Variants in ABCC1 observed in about 807,000 individuals in gnomAD.
The protein encoded by ABCC1 is ATP binding cassette subfamily C member 1 (ABCC1 blood group), also known as multidrug resistance-associated protein 1.
Under a neutral mutation model 172.9 loss-of-function variants are expected in ABCC1, and 83 were observed. The ratio of observed to expected loss-of-function variants is 0.48; its 90% CI spans 0.40 to 0.58. The LOEUF (loss-of-function observed/expected upper bound fraction) is 0.58, where lower values mean the gene tolerates loss of function less well. Ranked by LOEUF, ABCC1 falls within the 20% of genes least tolerant of loss-of-function variation. The pLI, the probability that ABCC1 is intolerant of heterozygous loss-of-function variation, is 0.00. For missense variants in ABCC1, 1,817 were observed against 2,002.7 expected (o/e 0.91, Z 1.77); for synonymous variants, 937 against 825.2 (o/e 1.14, Z -2.32).
At chr16:16,138,067 G>A (rs1452962664) in intron 29 of ABCC1, among the ~76,000 whole-genome samples, 1 of 151,754 alleles carries the variant, frequency 6.6e-6, no homozygotes, top group East Asian at 1.9e-4. Context: ...TTTTTGCCCA[G>A]GCTGGTCTCA....
At position 16,016,616 on chromosome 16, in the gene ABCC1, G is replaced by C; in HGVS notation, c.610G>C (p.Asp204His). Residue 204 changes from aspartate to histidine, a missense_variant, in exon 5 of 31, where the codon GAC becomes CAC. Physicochemically the swap from Asp to His is moderately conservative, Grantham distance 81. Around this residue, in one of 3 missense-constraint regions of ABCC1, gnomAD observed 398 missense variants for 384.2 expected, o/e 1.04. Coordinates refer to ENST00000399410, the MANE Select transcript of ABCC1 (RefSeq NM_004996.4). ...RSPLFSETIH[D>H]PNPCPESSAS... The stretch of plus-strand genomic sequence containing the variant: ...ACCCCTGTTCTCGGAAACCATCCAC[G>C]ACCCTGTAAGTGTGACCACAGATGA... 4 of 1,614,096 alleles carry C rather than the reference G, an allele frequency of 2.5e-6. No individual in the cohort carries two copies. The highest frequency in any genetic ancestry group is 3.4e-6 in the Non-Finnish European group (4 of 1,180,022).
chr16:16,128,673 A>G (rs2045547179), intron 26 of ABCC1, among the ~76,000 whole-genome samples: 1 of 152,222 alleles, frequency 6.6e-6, no homozygotes, highest in African/African-American at 2.4e-5. Context: ...AAATTATAAA[A>G]TAGAGATACA....
chr16:16,137,545 C>CTT (rs151237296), intron 29 of ABCC1, among the ~76,000 whole-genome samples: 1,599 of 56,718 alleles, frequency 0.028, 331 homozygotes, highest in South Asian at 0.054. Flanking sequence ...GGTATGAGGC[C>CTT]TTTTTTTTTT....
chr16:16,136,698 G>T, intron 29 of ABCC1, 54 bp downstream of exon 29: 1 of 1,577,290 alleles, frequency 6.3e-7, no homozygotes, highest in Non-Finnish European at 8.6e-7. Context: ...GCGCCATCTC[G>T]GTAGGGGTGT....
At chr16:15,965,618 G>A (rs988708512) in intron 1 of ABCC1, among the ~76,000 whole-genome samples, 1 of 151,466 alleles carries the variant, frequency 6.6e-6, no homozygotes, top group East Asian at 1.9e-4. Context: ...ACTTTTTTGA[G>A]ACAGCATCTT....
intron 5 of ABCC1, among the ~76,000 whole-genome samples, chr16:16,031,143 C>A (rs542393291): frequency 3.3e-5 from 5 of 152,302 alleles, no homozygotes; most frequent in African/African-American, 9.6e-5. Context: ...GCCACCACAC[C>A]CAGCCAGGAT....
At chr16:15,954,985 C>T (rs1482837393) in intron 1 of ABCC1, among the ~76,000 whole-genome samples, 1 of 152,174 alleles carries the variant, frequency 6.6e-6, no homozygotes, top group East Asian at 1.9e-4. Flanking sequence ...TGCCCGTTGC[C>T]TCAAACGGGC....
intron 21 of ABCC1, among the ~76,000 whole-genome samples, chr16:16,107,814 GTTTT>G (rs983433060): frequency 6.6e-6 from 1 of 150,990 alleles, no homozygotes; most frequent in East Asian, 1.9e-4. Flanking sequence ...AATAAATGTG[GTTTT>G]TTTTGTTTTT....
At chr16:15,974,679 GT>G (rs1236528785) in intron 1 of ABCC1, among the ~76,000 whole-genome samples, 1 of 152,154 alleles carries the variant, frequency 6.6e-6, no homozygotes, top group East Asian at 1.9e-4. Context: ...AGCCAGCAGT[GT>G]TTACAGGATG....
intron 1 of ABCC1, among the ~76,000 whole-genome samples, chr16:16,005,069 C>CTTTT (rs36027088): frequency 3.7e-5 from 5 of 134,480 alleles, no homozygotes; most frequent in Admixed American, 7.8e-5. Context: ...TCATTTTTAA[C>CTTTT]TTTTTTTTTT....
chr16:16,056,053 G>C (rs770564365), intron 11 of ABCC1, 39 bp from the exon 12 acceptor site: 3 of 1,587,980 alleles, frequency 1.9e-6, no homozygotes, highest in Non-Finnish European at 1.7e-6. Flanking sequence ...GCTGATCCCA[G>C]GGTCGCCCCA....
At chr16:15,968,788 T>A (rs2046303495) in intron 1 of ABCC1, among the ~76,000 whole-genome samples, 1 of 152,126 alleles carries the variant, frequency 6.6e-6, no homozygotes, top group Non-Finnish European at 1.5e-5. Flanking sequence ...AGGGGCACGA[T>A]CATGGCCCAC....
chr16:16,039,215 G>GTC (rs2048872078), intron 7 of ABCC1, among the ~76,000 whole-genome samples: 1 of 136,632 alleles, frequency 7.3e-6, no homozygotes, highest in African/African-American at 3.1e-5. Flanking sequence ...GCTTTTGTGT[G>GTC]TGTGTGTGTG....
intron 19 of ABCC1, among the ~76,000 whole-genome samples, chr16:16,101,686 G>A (rs45478795): frequency 2.8e-4 from 42 of 152,286 alleles, no homozygotes; most frequent in East Asian, 1.5e-3. Context: ...GAGGCAGTCA[G>A]TGCGGAGTGG....
chr16:15,959,573 G>C (rs2046082214), intron 1 of ABCC1, among the ~76,000 whole-genome samples: 1 of 152,176 alleles, frequency 6.6e-6, no homozygotes, highest in Non-Finnish European at 1.5e-5. Flanking sequence ...CGATCCTCCT[G>C]CCTCGGCCTC....
At position 16,115,026 on chromosome 16, in the gene ABCC1, A is replaced by T. The variant is rs1306558922; in HGVS notation, c.3340A>T (p.Ile1114Phe). The T allele has an allele frequency of 1.9e-6, 3 of 1,614,092 alleles. No homozygotes were observed. Among genetic ancestry groups the T allele is most frequent in the African/African-American group, 1.3e-5 (1 of 74,932 alleles). ...ACIVILLATPIAAIIIPPLGL... is the reference protein window; with the variant it reads ...ACIVILLATPFAAIIIPPLGL... ...CATCGTTATCCTGCTGGCCACGCCC[A>T]TCGCCGCCATCATCATCCCGCCCCT... The change falls in exon 23 of 31, where the codon ATC (isoleucine) becomes TTC (phenylalanine). Residue 1114 changes from isoleucine (I) to phenylalanine (F), a missense_variant. By Grantham distance (21) the Ile-to-Phe change is conservative. Around this residue, in one of 3 missense-constraint regions of ABCC1, gnomAD observed 1,412 missense variants for 1,600.3 expected, o/e 0.88. Coordinates refer to ENST00000399410, the MANE Select transcript of ABCC1 (RefSeq NM_004996.4).
At chr16:16,041,402 C>G (rs2048973455) in intron 7 of ABCC1, among the ~76,000 whole-genome samples, 1 of 152,092 alleles carries the variant, frequency 6.6e-6, no homozygotes, top group East Asian at 1.9e-4. Context: ...AGAACTGGGT[C>G]TTGGGGCTTG....
At chr16:16,066,957 A>G (rs1359048455) in intron 12 of ABCC1, among the ~76,000 whole-genome samples, 1 of 151,956 alleles carries the variant, frequency 6.6e-6, no homozygotes, top group African/African-American at 2.4e-5. Context: ...ACCGCTTAGA[A>G]GATGGGAGCC....
intron 19 of ABCC1, among the ~76,000 whole-genome samples, chr16:16,100,968 T>G (rs1219709810): frequency 1.3e-5 from 2 of 152,114 alleles, no homozygotes; most frequent in Non-Finnish European, 2.9e-5. Flanking sequence ...CTGCTCAGTT[T>G]TTAATTTTAA....
Sources: gnomAD v4.1 joint callset for allele counts (sites outside exome capture counted in the v4.1 genomes callset) on GRCh38, gnomAD v4.1.1 for gene constraint, gnomAD v4.1.1 regional missense constraint, MANE v1.5 for transcripts, NCBI Gene and HGNC (gene_info 2026-07-23, HGNC 2026-07-21) for gene names.